Variants in SLIT3 observed in about 807,000 individuals in gnomAD.
The protein encoded by SLIT3 is slit guidance ligand 3.
A neutral mutation model predicts 184.0 loss-of-function variants in SLIT3; 68 were observed. The observed-to-expected ratio is 0.37, with a 90% CI of 0.30 to 0.45. The LOEUF (loss-of-function observed/expected upper bound fraction) is 0.45. SLIT3 is among the 20% of genes least tolerant of loss of function. The probability of loss-of-function intolerance (pLI) is 1.00; values close to 1 mark genes in which losing one functional copy is unlikely to be tolerated. For synonymous variants in SLIT3, 831 were observed against 828.6 expected (o/e 1.00, Z -0.05); for missense variants, 1,707 against 2,026.0 (o/e 0.84, Z 3.02).
At chr5:169,069,758 C>T (rs1758478622) in intron 4 of SLIT3, among the ~76,000 whole-genome samples, 1 of 151,948 alleles carries the variant, frequency 6.6e-6, no homozygotes, top group African/African-American at 2.4e-5. Flanking sequence ...GGTGGACAGA[C>T]AGACAGACAG....
intron 26 of SLIT3, among the ~76,000 whole-genome samples, chr5:168,702,565 T>C (rs1361784036): frequency 6.6e-6 from 1 of 152,192 alleles, no homozygotes; most frequent in Non-Finnish European, 1.5e-5. Context: ...CTCTGAGCCT[T>C]GTTTTTACCA....
chr5:169,300,789 G>C lies in SLIT3; in HGVS notation c.-80C>G. 1 of 1,234,430 alleles carries C rather than the reference G, an allele frequency of 8.1e-7. No homozygotes were observed. Among genetic ancestry groups the C allele is most frequent in the Non-Finnish European group, 1.0e-6 (1 of 989,394 alleles). 76.5% of individuals were successfully genotyped at this position (1,234,430 alleles called of 1,614,324 possible). ...GAGCCCGAGGAGGCGCGCGGGGAGC[G>C]CGGGCGGCCTGGGGAGCGGGCGGCG... On this transcript the variant is annotated 5_prime_UTR_variant, in exon 1 of 36. Transcript: ENST00000519560. This position sits in a 1 kb window ranked among gnomAD's most constrained non-coding sequence, Gnocchi z 4.1.
intron 3 of SLIT3, among the ~76,000 whole-genome samples, chr5:169,212,658 C>G (rs114653368): frequency 0.054 from 8,193 of 152,226 alleles, 371 homozygotes; most frequent in East Asian, 0.19. Flanking sequence ...GTTGCCATTG[C>G]TTTAGACATG....
chr5:169,251,253 G>A, intron 2 of SLIT3, 135 bp downstream of exon 2: 1 of 689,944 alleles, frequency 1.4e-6, no homozygotes, highest in Admixed American at 1.9e-5. Context: ...ACGCTAACGA[G>A]GGGCTTTCTG....
At position 168,772,262 on chromosome 5, in the gene SLIT3, G is replaced by T. The variant is rs527635293; in HGVS notation, c.1459+519C>A. The T allele has an allele frequency of 1.5e-3, 232 of 154,112 alleles. 1 individual carries two copies. In the East Asian group the frequency reaches 0.033, roughly 22 times the overall value. The allele number at this position is 154,112 out of a possible 1,614,324, so 9.5% of individuals were successfully genotyped here. ...TCAGGGATGGAGGAGCTAAGCTAGTGAAAGTGTTTTTCGTGAACATGTGGA... is the reference window on the plus strand; with the variant it reads ...TCAGGGATGGAGGAGCTAAGCTAGTTAAAGTGTTTTTCGTGAACATGTGGA... On this transcript the variant is annotated intron_variant, in intron 14 of 35. Transcript: ENST00000519560.
intron 4 of SLIT3, among the ~76,000 whole-genome samples, chr5:169,055,385 C>T (rs1285500617): frequency 6.6e-6 from 1 of 152,168 alleles, no homozygotes; most frequent in Non-Finnish European, 1.5e-5. Context: ...TGGGAGGTGA[C>T]ATTTGAGATT....
intron 4 of SLIT3, among the ~76,000 whole-genome samples, chr5:169,190,074 T>C (rs1025165311): frequency 2.4e-4 from 37 of 152,238 alleles, no homozygotes; most frequent in Admixed American, 6.5e-4. Flanking sequence ...ACCCATTCTC[T>C]AAGCAAGTGG....
intron 7 of SLIT3, among the ~76,000 whole-genome samples, chr5:168,819,669 G>C (rs1345373668): frequency 1.3e-5 from 2 of 152,138 alleles, no homozygotes; most frequent in Non-Finnish European, 2.9e-5. Context: ...ATGACGTTTA[G>C]GTAAGTCAGA....
chr5:169,106,241 G>A (rs13169569), intron 4 of SLIT3, among the ~76,000 whole-genome samples: 1 of 151,944 alleles, frequency 6.6e-6, no homozygotes, highest in Non-Finnish European at 1.5e-5. Flanking sequence ...TCAGAGATCA[G>A]AATGCAGAAG....
At chr5:169,172,317 G>T (rs1429736227) in intron 4 of SLIT3, among the ~76,000 whole-genome samples, 3 of 152,140 alleles carry the variant, frequency 2.0e-5, no homozygotes, top group Non-Finnish European at 2.9e-5. Flanking sequence ...TTTAACCTAT[G>T]AATTAACCTA....
chr5:168,964,405 A>G (rs2113296108), intron 4 of SLIT3, among the ~76,000 whole-genome samples: 1 of 152,320 alleles, frequency 6.6e-6, no homozygotes, highest in Non-Finnish European at 1.5e-5. Flanking sequence ...AGAGGCAGAT[A>G]TTTACATGCA....
At chr5:168,721,450 G>T (rs2113366492) in intron 23 of SLIT3, among the ~76,000 whole-genome samples, 1 of 152,304 alleles carries the variant, frequency 6.6e-6, no homozygotes, top group African/African-American at 2.4e-5. Flanking sequence ...GACCCTGTGA[G>T]GCAATTACCA....
At chr5:168,907,315 C>T (rs1761083413) in intron 4 of SLIT3, among the ~76,000 whole-genome samples, 1 of 152,226 alleles carries the variant, frequency 6.6e-6, no homozygotes, top group African/African-American at 2.4e-5. Context: ...CTCACACTGA[C>T]AGGCTGACCA....
At chr5:168,868,224 T>C (rs987672116) in intron 5 of SLIT3, among the ~76,000 whole-genome samples, 6 of 152,132 alleles carry the variant, frequency 3.9e-5, no homozygotes, top group Admixed American at 3.3e-4. Context: ...AATACTAACA[T>C]TGTATTTATT....
intron 32 of SLIT3, among the ~76,000 whole-genome samples, chr5:168,682,043 C>T (rs1462158705): frequency 6.6e-6 from 1 of 152,210 alleles, no homozygotes; most frequent in Non-Finnish European, 1.5e-5. Flanking sequence ...GCTGCCCTGG[C>T]CCTGCCTCCT....
intron 5 of SLIT3, among the ~76,000 whole-genome samples, chr5:168,867,422 T>C (rs1759345266): frequency 6.6e-6 from 1 of 152,214 alleles, no homozygotes; most frequent in Non-Finnish European, 1.5e-5. Flanking sequence ...TCTGTCTAAA[T>C]AAACAATGAT....
chr5:168,760,913 G>GAT lies in SLIT3; in HGVS notation c.1632_1633dup (p.Ser545TyrfsTer19). The stretch of plus-strand genomic sequence containing the variant: ...GAAGATGCCAGTGGCCTCCAGAACA[G>GAT]ATACCTCATTGTCATTCAGTCGCCT... On this transcript the variant is annotated frameshift_variant, in exon 16 of 36. Transcript: ENST00000519560. LOFTEE classifies it high-confidence loss of function. 1 of 1,613,986 alleles carries GAT rather than the reference G, an allele frequency of 6.2e-7. No individual in the cohort carries two copies. The highest frequency in any genetic ancestry group is 8.5e-7 in the Non-Finnish European group (1 of 1,179,856).
chr5:169,142,096 T>C (rs867720132), intron 4 of SLIT3, among the ~76,000 whole-genome samples: 5 of 148,060 alleles, frequency 3.4e-5, no homozygotes, highest in Non-Finnish European at 1.5e-5. Flanking sequence ...AATAAATAAA[T>C]AAATAAATAA....
chr5:169,272,849 C>T (rs1223240742), intron 1 of SLIT3, among the ~76,000 whole-genome samples: 1 of 152,202 alleles, frequency 6.6e-6, no homozygotes, highest in African/African-American at 2.4e-5. Context: ...GGGCTGAGTG[C>T]ACACGCGCAA....
Sources: gnomAD v4.1 joint callset for allele counts (sites outside exome capture counted in the v4.1 genomes callset) on GRCh38, gnomAD v4.1.1 for gene constraint, Gnocchi (gnomAD v3.1) non-coding constraint, MANE v1.5 for transcripts, NCBI Gene and HGNC (gene_info 2026-07-23, HGNC 2026-07-21) for gene names.